Variants in STK3 observed in about 807,000 individuals in gnomAD.
The protein encoded by STK3 is serine/threonine-protein kinase 3.
A neutral mutation model predicts 58.0 loss-of-function variants in STK3; 41 were observed. The observed-to-expected ratio is 0.71, with a 90% CI of 0.55 to 0.92. The LOEUF (loss-of-function observed/expected upper bound fraction) is 0.92, where lower values mean the gene tolerates loss of function less well. STK3 is among the 40% of genes least tolerant of loss of function. The pLI is 0.00. For synonymous variants in STK3, 170 were observed against 191.0 expected (o/e 0.89, Z 0.91); for missense variants, 479 against 602.7 (o/e 0.79, Z 2.15).
downstream of STK3, among the ~76,000 whole-genome samples, chr8:98,368,387 A>G (rs11781515): frequency 0.46 from 69,339 of 151,954 alleles, 16,227 homozygotes; most frequent in Non-Finnish European, 0.51. Context: ...ACATGTCTAC[A>G]TGGTTAAGAA....
At chr8:98,367,121 G>C (rs145479283), downstream of STK3, among the ~76,000 whole-genome samples, 2 of 152,132 alleles carry the variant, frequency 1.3e-5, no homozygotes, top group Non-Finnish European at 2.9e-5. Context: ...TGTAAAATGG[G>C]GATATTCATC....
At chr8:98,348,583 C>A in the STK3 span, among the ~76,000 whole-genome samples, 1 of 152,166 alleles carries the variant, frequency 6.6e-6, no homozygotes, top group Non-Finnish European at 1.5e-5. Context: ...AGAAAACAAA[C>A]AACCTGATTT....
chr8:98,831,755 T>C (rs1394064340), intron 3 of STK3, among the ~76,000 whole-genome samples: 2 of 152,254 alleles, frequency 1.3e-5, no homozygotes, highest in Non-Finnish European at 2.9e-5. Flanking sequence ...CTGTTTCTCT[T>C]TTCTAACTTA....
intron 10 of STK3, among the ~76,000 whole-genome samples, chr8:98,492,651 A>T (rs1822789089): frequency 6.6e-6 from 1 of 152,152 alleles, no homozygotes; most frequent in Non-Finnish European, 1.5e-5. Context: ...AATCAAGAAG[A>T]CCTACAATGG....
intron 3 of STK3, chr8:98,430,863 T>C (rs1307947373): frequency 6.0e-6 from 1 of 167,108 alleles, no homozygotes; most frequent in African/African-American, 2.4e-5. Flanking sequence ...CTTCCAAACT[T>C]GTATTGAAGG....
downstream of STK3, among the ~76,000 whole-genome samples, chr8:98,366,692 GATCT>G (rs1378306286): frequency 1.3e-5 from 2 of 152,120 alleles, no homozygotes; most frequent in Non-Finnish European, 2.9e-5. Flanking sequence ...CTGTTTTACT[GATCT>G]ATCTGTCTAT....
At chr8:98,352,097 A>T in the STK3 span, among the ~76,000 whole-genome samples, 1 of 145,316 alleles carries the variant, frequency 6.9e-6, no homozygotes, top group Non-Finnish European at 1.5e-5. Context: ...AGATCGCGCC[A>T]CTGCACTCCA....
intron 1 of STK3, among the ~76,000 whole-genome samples, chr8:98,811,800 A>G (rs1834235743): frequency 6.6e-6 from 1 of 152,216 alleles, no homozygotes; most frequent in Admixed American, 6.5e-5. Context: ...GTACATTTTT[A>G]CCTCAAACTA....
chr8:98,710,582 C>G (rs913957405), intron 4 of STK3, among the ~76,000 whole-genome samples: 1 of 152,180 alleles, frequency 6.6e-6, no homozygotes, highest in African/African-American at 2.4e-5. Flanking sequence ...AATGCGGCAG[C>G]GAGGCTGGGG....
chr8:98,871,301 T>G (rs1336025687), intron 3 of STK3, among the ~76,000 whole-genome samples: 11 of 152,174 alleles, frequency 7.2e-5, no homozygotes, highest in African/African-American at 1.9e-4. Context: ...TTGTTCTTTT[T>G]GCTTAGGATT....
intron 7 of STK3, among the ~76,000 whole-genome samples, chr8:98,586,617 G>T (rs1814627676): frequency 6.6e-6 from 1 of 150,804 alleles, no homozygotes; most frequent in Non-Finnish European, 1.5e-5. Flanking sequence ...CTCATAAAAT[G>T]AGTTAGGGAG....
chr8:98,861,322 T>C (rs1836927561), intron 3 of STK3, among the ~76,000 whole-genome samples: 1 of 151,854 alleles, frequency 6.6e-6, no homozygotes, highest in Non-Finnish European at 1.5e-5. Flanking sequence ...TGCAATGTAT[T>C]CTTAGGGCTT....
At chr8:98,609,060 C>A (rs1407613322) in intron 6 of STK3, among the ~76,000 whole-genome samples, 1 of 152,102 alleles carries the variant, frequency 6.6e-6, no homozygotes, top group African/African-American at 2.4e-5. Flanking sequence ...GTCTGGGTAG[C>A]CAACTGATCT....
At chr8:98,590,595 C>T (rs930151072) in intron 7 of STK3, among the ~76,000 whole-genome samples, 3 of 152,090 alleles carry the variant, frequency 2.0e-5, no homozygotes, top group Non-Finnish European at 4.4e-5. Context: ...CCAAGGGAGG[C>T]CCCCCGATCC....
intron 4 of STK3, among the ~76,000 whole-genome samples, chr8:98,733,544 C>G (rs893953290): frequency 1.3e-5 from 2 of 152,220 alleles, no homozygotes; most frequent in Non-Finnish European, 2.9e-5. Flanking sequence ...TCACCCCCAT[C>G]CGTAGAAAAA....
intron 2 of STK3, among the ~76,000 whole-genome samples, chr8:98,768,591 G>T (rs1831093797): frequency 6.6e-6 from 1 of 152,146 alleles, no homozygotes; most frequent in Admixed American, 6.5e-5. Flanking sequence ...CCATATGTGT[G>T]TATGTGTGTA....
intron 1 of STK3, among the ~76,000 whole-genome samples, chr8:98,884,969 A>C (rs1837925434): frequency 6.6e-6 from 1 of 152,256 alleles, no homozygotes; most frequent in Non-Finnish European, 1.5e-5. Context: ...AGAACACTGC[A>C]ATACCATCTT....
chr8:98,933,845 G>C (rs1840095239), intron 1 of STK3, among the ~76,000 whole-genome samples: 1 of 152,210 alleles, frequency 6.6e-6, no homozygotes, highest in African/African-American at 2.4e-5. Context: ...ACTTGGAAGA[G>C]AGAATAGAGC....
intron 6 of STK3, among the ~76,000 whole-genome samples, chr8:98,699,830 G>A (rs1306639112): frequency 6.6e-6 from 1 of 152,240 alleles, no homozygotes; most frequent in Non-Finnish European, 1.5e-5. Flanking sequence ...ACCCACTTGA[G>A]GAGGCAGTCT....
Sources: allele counts gnomAD v4.1 joint callset (sites outside exome capture counted in the v4.1 genomes callset), GRCh38; gene constraint gnomAD v4.1.1; transcripts MANE v1.5; gene names NCBI Gene and HGNC (gene_info 2026-07-23, HGNC 2026-07-21).